ACOT1: variants seen among roughly 807,000 people sequenced by gnomAD.
The protein encoded by ACOT1 is acyl-CoA thioesterase 1.
In ACOT1, 8 loss-of-function variants were observed where a neutral mutation model predicts 15.7. That is an observed-to-expected ratio of 0.51 (90% CI 0.30 to 0.92). The LOEUF (loss-of-function observed/expected upper bound fraction) is 0.92, where lower values mean the gene tolerates loss of function less well. Among genes scored for constraint, ACOT1 ranks in the 40% least tolerant of loss-of-function variants. The pLI is 0.06. For missense variants in ACOT1, 151 were observed against 539.4 expected, an observed-to-expected ratio of 0.28 and a Z score of 7.13; for synonymous variants, 67 against 241.2, an observed-to-expected ratio of 0.28 and a Z score of 6.69.
the ACOT1 span, among the ~76,000 whole-genome samples, chr14:73,493,582 A>G: frequency 2.0e-5 from 3 of 152,102 alleles, no homozygotes; most frequent in African/African-American, 7.2e-5. Context: ...TCATGCCTGT[A>G]ATCCTAGCAC....
the ACOT1 span, chr14:73,508,443 A>G: frequency 4.4e-6 from 3 of 687,528 alleles, no homozygotes; most frequent in African/African-American, 1.8e-5. Context: ...TTCTTATTTA[A>G]ACCATATTGA....
chr14:73,506,717 C>G, the ACOT1 span: 2 of 521,738 alleles, frequency 3.8e-6, no homozygotes, highest in South Asian at 5.6e-5. Context: ...TCACAGCCAA[C>G]TGACTCTGGG....
chr14:73,496,696 G>T, the ACOT1 span: 2 of 1,369,342 alleles, frequency 1.5e-6, no homozygotes, highest in Non-Finnish European at 1.0e-6. Flanking sequence ...GATAAGAAGG[G>T]CTTCTTAGAT....
the ACOT1 span, chr14:73,498,221 T>A: frequency 5.0e-6 from 8 of 1,614,052 alleles, no homozygotes; most frequent in South Asian, 8.8e-5. Context: ...CCGGTCCCCT[T>A]GAAGTTTCAG....
chr14:73,507,948 GT>G, the ACOT1 span, among the ~76,000 whole-genome samples: 11 of 152,270 alleles, frequency 7.2e-5, no homozygotes, highest in Non-Finnish European at 1.5e-4. Flanking sequence ...TTTCACCCAT[GT>G]TGGCCAGTCT....
the ACOT1 span, among the ~76,000 whole-genome samples, chr14:73,506,962 G>A: frequency 6.6e-6 from 1 of 151,750 alleles, no homozygotes; most frequent in Non-Finnish European, 1.5e-5. Flanking sequence ...CACCACGCCC[G>A]GTTAATTTTT....
At chr14:73,500,863 A>G in the ACOT1 span, 1 of 759,578 alleles carries the variant, frequency 1.3e-6, no homozygotes, top group South Asian at 1.9e-5. Context: ...TGCTCATGAG[A>G]TAAGTTTTAC....
At chr14:73,501,547 G>A in the ACOT1 span, among the ~76,000 whole-genome samples, 2 of 149,814 alleles carry the variant, frequency 1.3e-5, no homozygotes, top group Non-Finnish European at 3.0e-5. Flanking sequence ...CCCACTCTGC[G>A]GCTCCTATGC....
the ACOT1 span, among the ~76,000 whole-genome samples, chr14:73,517,871 G>C: frequency 6.6e-6 from 1 of 151,884 alleles, no homozygotes; most frequent in African/African-American, 2.4e-5. Flanking sequence ...GACAGATCAC[G>C]AGGTCAAGAG....
the ACOT1 span, among the ~76,000 whole-genome samples, chr14:73,504,825 G>A: frequency 6.6e-6 from 1 of 152,194 alleles, no homozygotes; most frequent in African/African-American, 2.4e-5. Flanking sequence ...AGAAGGGAAA[G>A]CTCCCATTTG....
the ACOT1 span, chr14:73,522,745 C>T: frequency 6.2e-7 from 1 of 1,614,230 alleles, no homozygotes; most frequent in Non-Finnish European, 8.5e-7. Context: ...TTTCTGTCTT[C>T]ACAGCCAGGG....
intron 1 of ACOT1, 94 bp downstream of exon 1, chr14:73,537,972 T>C: frequency 1.0e-6 from 1 of 1,004,158 alleles, no homozygotes; most frequent in Non-Finnish European, 1.3e-6. Flanking sequence ...CCCGCCCCGC[T>C]CTTTTCGCTT....
chr14:73,506,514 T>A, the ACOT1 span: 8 of 1,613,688 alleles, frequency 5.0e-6, no homozygotes, highest in Admixed American at 3.3e-5. Context: ...CAGGCCACAA[T>A]CCGGTTCTTC....
the ACOT1 span, among the ~76,000 whole-genome samples, chr14:73,521,209 G>A: frequency 6.6e-6 from 1 of 152,100 alleles, no homozygotes; most frequent in Non-Finnish European, 1.5e-5. Context: ...GGTGCCAGTT[G>A]AATGTGGAGC....
chr14:73,516,417 A>C, the ACOT1 span, among the ~76,000 whole-genome samples: 1 of 121,182 alleles, frequency 8.3e-6, no homozygotes, highest in African/African-American at 3.5e-5. Context: ...TGAAGAGATG[A>C]GAAGTAGCTG....
the ACOT1 span, among the ~76,000 whole-genome samples, chr14:73,529,792 G>T: frequency 2.0e-5 from 3 of 151,892 alleles, no homozygotes; most frequent in South Asian, 4.2e-4. Flanking sequence ...AGAGGAAACT[G>T]CCTTGAAAGA....
At chr14:73,540,643 A>G (rs1329029813) in intron 1 of ACOT1, among the ~76,000 whole-genome samples, 6 of 118,274 alleles carry the variant, frequency 5.1e-5, no homozygotes, top group African/African-American at 1.7e-4. Context: ...GGATACTGGA[A>G]AGAGAGGAAA....
chr14:73,492,477 G>T, the ACOT1 span: 10 of 1,613,662 alleles, frequency 6.2e-6, no homozygotes, highest in Non-Finnish European at 8.5e-6. The surrounding 1 kb of genome is among the most constrained non-coding windows in gnomAD (Gnocchi z 4.9). Context: ...TTGGTTGCCC[G>T]CCTGGGACAC....
At chr14:73,492,701 G>A in the ACOT1 span, 1 of 1,613,968 alleles carries the variant, frequency 6.2e-7, no homozygotes, top group East Asian at 2.2e-5. The surrounding 1 kb of genome is among the most constrained non-coding windows in gnomAD (Gnocchi z 4.9). Context: ...GGTGGGTGAG[G>A]GGGGCCATTT....
Sources: gnomAD v4.1 joint callset for allele counts (sites outside exome capture counted in the v4.1 genomes callset) on GRCh38, gnomAD v4.1.1 for gene constraint, Gnocchi (gnomAD v3.1) non-coding constraint, MANE v1.5 for transcripts, NCBI Gene and HGNC (gene_info 2026-07-23, HGNC 2026-07-21) for gene names.